The following C1orf94 variants were observed in gnomAD, a reference collection of about 807,000 sequenced individuals.
The protein encoded by C1orf94 is chromosome 1 open reading frame 94.
In C1orf94, 45 loss-of-function variants were observed where a neutral mutation model predicts 53.6. The ratio of observed to expected loss-of-function variants is 0.84; its 90% CI spans 0.66 to 1.08. C1orf94 has a LOEUF of 1.08. Among genes scored for constraint, C1orf94 ranks in the 50% least tolerant of loss-of-function variants. The pLI is 0.00. For synonymous variants in C1orf94, 304 were observed against 296.1 expected (o/e 1.03, Z -0.27); for missense variants, 762 against 738.9 (o/e 1.03, Z -0.36).
Position 34,197,732 on chromosome 1 carries a change from T to A in C1orf94, c.828T>A (p.Ser276Arg). The A allele has an allele frequency of 1.9e-6, 3 of 1,614,158 alleles. No homozygotes were observed. Among genetic ancestry groups the A allele is most frequent in the Non-Finnish European group, 1.7e-6 (2 of 1,180,032 alleles). The change falls in exon 2 of 7, where the codon AGT becomes AGA. Residue 276 changes from serine (S) to arginine (R), a missense_variant. Physicochemically the swap from Ser to Arg is moderately radical, Grantham distance 110. Coordinates refer to ENST00000488417, the MANE Select transcript of C1orf94 (RefSeq NM_001134734.2). This position sits in a 1 kb window ranked among gnomAD's most constrained non-coding sequence, Gnocchi z 4.1. The part of the protein sequence containing the change: ...TKDFLQDNLF[S>R]GPGPKEPTGL... ...ACTTCCTACAGGACAACCTGTTCAG[T>A]GGCCCTGGACCCAAGGAGCCCACAG...
chr1:34,200,814 G>A lies in C1orf94; in HGVS notation c.1052G>A (p.Ser351Asn), dbSNP rs1188099977. The change falls in exon 3 of 7, where the codon AGC (serine) becomes AAC (asparagine). Residue 351 changes from serine to asparagine, a missense_variant. By Grantham distance (46) the Ser-to-Asn change is conservative. Transcript: ENST00000488417. ...AAGGAGCCAAAAAAGGGTCAAGGGA[G>A]CCTCTTTCTCAGCCAGTGGCCCCAG... ...GTKEPKKGQG[S>N]LFLSQWPQSQ... is the part of the protein sequence containing the mutation. The A allele has an allele frequency of 6.2e-7, 1 of 1,614,054 alleles. No homozygotes were observed. The highest frequency in any genetic ancestry group is 1.3e-5 in the African/African-American group (1 of 74,920).
At chr1:34,214,851 G>A (rs895998073) in intron 6 of C1orf94, among the ~76,000 whole-genome samples, 14 of 152,154 alleles carry the variant, frequency 9.2e-5, no homozygotes, top group East Asian at 7.7e-4. Flanking sequence ...GTGGATTGGC[G>A]TTCTGAGAGG....
chr1:34,200,393 A>C (rs1393778707), intron 2 of C1orf94, among the ~76,000 whole-genome samples: 1 of 152,142 alleles, frequency 6.6e-6, no homozygotes, highest in Non-Finnish European at 1.5e-5. Flanking sequence ...CGAATAAAGG[A>C]ATGATGGAAG....
At chr1:34,169,870 G>A (rs924176746) in intron 1 of C1orf94, among the ~76,000 whole-genome samples, 1 of 152,208 alleles carries the variant, frequency 6.6e-6, no homozygotes, top group African/African-American at 2.4e-5. Context: ...GCGACAGAGG[G>A]GCTTCATGAG....
intron 4 of C1orf94, among the ~76,000 whole-genome samples, chr1:34,207,262 G>GT: frequency 6.8e-6 from 1 of 147,452 alleles, no homozygotes; most frequent in South Asian, 2.2e-4. Context: ...AGTTCTGCGG[G>GT]GTGTGTGTGT....
chr1:34,199,659 G>A (rs1242076025), intron 2 of C1orf94, among the ~76,000 whole-genome samples: 2 of 152,252 alleles, frequency 1.3e-5, no homozygotes, highest in East Asian at 3.8e-4. Context: ...CATCTGGTGG[G>A]TGGCCAGGTT....
rs1571347359 is a variant in C1orf94 at position 34,204,190 on chromosome 1, GC to G, written c.1446+1932del. Among the ~76,000 whole-genome samples, 3 of 152,284 alleles carry G rather than the reference GC, an allele frequency of 2.0e-5. No homozygotes were observed. The East Asian group carries it at 5.8e-4, about 29-fold the overall frequency. The stretch of plus-strand genomic sequence containing the variant: ...ATGTCATTCTTTCCCTTTCAACACA[GC>G]ACAAACCTTATGTCCTATTGGGAAA... On this transcript the variant is annotated intron_variant, in intron 4 of 6. Transcript: ENST00000488417.
intron 1 of C1orf94, among the ~76,000 whole-genome samples, chr1:34,186,291 T>G (rs1642383828): frequency 6.6e-6 from 1 of 152,194 alleles, no homozygotes; most frequent in South Asian, 2.1e-4. Flanking sequence ...AGCGACTATT[T>G]CAAGGGATTA....
intron 6 of C1orf94, among the ~76,000 whole-genome samples, 161 bp downstream of exon 6, chr1:34,212,567 G>A (rs1278368573): frequency 6.6e-6 from 1 of 152,142 alleles, no homozygotes; most frequent in African/African-American, 2.4e-5. Context: ...GGTCCTGGAG[G>A]GACCTGGTGC....
chr1:34,200,617 T>C (rs545193084), intron 2 of C1orf94, among the ~76,000 whole-genome samples, 155 bp from the exon 3 acceptor site: 1 of 151,694 alleles, frequency 6.6e-6, no homozygotes, highest in East Asian at 2.0e-4. Flanking sequence ...CAGGGAGAGA[T>C]TGGGATTGTA....
chr1:34,170,760 G>A (rs1385530661), intron 1 of C1orf94, among the ~76,000 whole-genome samples: 1 of 148,854 alleles, frequency 6.7e-6, no homozygotes, highest in African/African-American at 2.6e-5. Context: ...CTCCACCCCA[G>A]CCTGCCTCTC....
chr1:34,218,807 AGGGG>A lies in C1orf94; in HGVS notation c.*47_*50del. ...CTCCCTTAGCCCTTGGATCAGGACT[AGGGG>A]CTCTGATTTTTGGATTCTGCAAAAG... On this transcript the variant is annotated 3_prime_UTR_variant, in exon 7 of 7. Coordinates refer to ENST00000488417, the MANE Select transcript of C1orf94 (RefSeq NM_001134734.2). 1 of 1,502,006 alleles carries A rather than the reference AGGGG, an allele frequency of 6.7e-7. No homozygotes were observed. The highest frequency in any genetic ancestry group is 9.1e-7 in the Non-Finnish European group (1 of 1,104,628). 93.0% of individuals were successfully genotyped at this position (1,502,006 alleles called of 1,614,324 possible). A position where few individuals can be genotyped will look rare whatever the true frequency, so the allele number is the denominator to read the frequency against.
In C1orf94 at chr1:34,212,319, G is replaced by A; in HGVS notation, c.1634G>A (p.Arg545Lys). ...CAGCCCAATTATCCCTACCCTCAGA[G>A]GACACCTCCAAAGATGTCTGCCAAC... ...FVQPNYPYPQ[R>K]TPPKMSANPR... The change falls in exon 6 of 7, where the codon AGG becomes AAG. Residue 545 changes from arginine to lysine, a missense_variant. By Grantham distance (26) the Arg-to-Lys change is conservative. Coordinates refer to ENST00000488417, the MANE Select transcript of C1orf94 (RefSeq NM_001134734.2). The A allele has an allele frequency of 6.2e-7, 1 of 1,613,906 alleles. No individual in the cohort carries two copies. The highest frequency in any genetic ancestry group is 8.5e-7 in the Non-Finnish European group (1 of 1,179,966).
rs1384907777 is a variant in C1orf94, at chr1:34,215,417, A to G, written c.1721+3011A>G. On this transcript the variant is annotated intron_variant, in intron 6 of 6. Coordinates refer to ENST00000488417, the MANE Select transcript of C1orf94 (RefSeq NM_001134734.2). ...TTTAAATTGATGAGGACATGTTCTA[A>G]TCTTCTATATAAAACAGATCACATT... Among the ~76,000 whole-genome samples, 3 of 152,230 alleles carry G rather than the reference A, an allele frequency of 2.0e-5. No individual in the cohort carries two copies. In the East Asian group the frequency reaches 5.8e-4, roughly 29 times the overall value.
chr1:34,216,297 G>A (rs1642986504), intron 6 of C1orf94, among the ~76,000 whole-genome samples: 1 of 152,178 alleles, frequency 6.6e-6, no homozygotes, highest in African/African-American at 2.4e-5. Flanking sequence ...GTATAGAGAA[G>A]AGAAGAGATC....
At chr1:34,201,538 G>T (rs530337827) in intron 3 of C1orf94, among the ~76,000 whole-genome samples, 1 of 152,110 alleles carries the variant, frequency 6.6e-6, no homozygotes, top group Non-Finnish European at 1.5e-5. Flanking sequence ...AACTTCATTT[G>T]TTTAGACCAA....
intron 1 of C1orf94, among the ~76,000 whole-genome samples, chr1:34,180,015 C>T (rs1395986483): frequency 1.3e-5 from 2 of 152,184 alleles, no homozygotes; most frequent in Admixed American, 1.3e-4. Context: ...CCAAATAGAA[C>T]ACAATGAGCT....
chr1:34,172,246 C>T (rs1400206004), upstream of C1orf94, among the ~76,000 whole-genome samples: 1 of 152,218 alleles, frequency 6.6e-6, no homozygotes, highest in Non-Finnish European at 1.5e-5. Flanking sequence ...ACCACTACTG[C>T]CACCACCATA....
In C1orf94 at chr1:34,214,999, G is replaced by A. The variant is rs569132888; in HGVS notation, c.1721+2593G>A. 3.9e-5 allele frequency among the ~76,000 whole-genome samples: 6 copies of A among 152,304 alleles called. No homozygotes were observed. The South Asian group carries it at 1.2e-3, about 32-fold the overall frequency. The stretch of plus-strand genomic sequence containing the variant: ...GCCTGGCACTGTTGTAGACACCAGG[G>A]ATAATGAAGTGAACGAAAAAAAGGT... On this transcript the variant is annotated intron_variant, in intron 6 of 6. Coordinates refer to ENST00000488417, the MANE Select transcript of C1orf94 (RefSeq NM_001134734.2).
Sources: gnomAD v4.1 joint callset for allele counts (sites outside exome capture counted in the v4.1 genomes callset) on GRCh38, gnomAD v4.1.1 for gene constraint, Gnocchi (gnomAD v3.1) non-coding constraint, MANE v1.5 for transcripts, NCBI Gene and HGNC (gene_info 2026-07-23, HGNC 2026-07-21) for gene names.